Variants in ZBTB7C observed in about 807,000 individuals in gnomAD.
ZBTB7C encodes zinc finger and BTB domain containing 7C.
In ZBTB7C, 8 loss-of-function variants were observed where a neutral mutation model predicts 25.7. The ratio of observed to expected loss-of-function variants is 0.31; its 90% CI spans 0.18 to 0.56. The LOEUF (loss-of-function observed/expected upper bound fraction) is 0.56, where lower values mean the gene tolerates loss of function less well. ZBTB7C is among the 20% of genes least tolerant of loss of function. The pLI, the probability that ZBTB7C is intolerant of heterozygous loss-of-function variation, is 0.91. For missense variants in ZBTB7C, 824 were observed against 855.2 expected (o/e 0.96, Z 0.46); for synonymous variants, 394 against 369.0 (o/e 1.07, Z -0.78).
intron 2 of ZBTB7C, among the ~76,000 whole-genome samples, chr18:48,190,041 A>C (rs570773265): frequency 1.4e-4 from 22 of 152,290 alleles, no homozygotes; most frequent in African/African-American, 5.3e-4. Context: ...GCCCTTGACC[A>C]GAGTGCTGTT....
chr18:48,041,146 A>C (rs761171245), intron 3 of ZBTB7C, 23 bp from the exon 4 acceptor site: 2 of 1,556,058 alleles, frequency 1.3e-6, no homozygotes, highest in African/African-American at 1.4e-5. Flanking sequence ...ACAGAGAAGA[A>C]GACTGGGTTA....
intron 2 of ZBTB7C, among the ~76,000 whole-genome samples, chr18:48,333,545 A>G (rs1043706923): frequency 6.6e-6 from 1 of 152,248 alleles, no homozygotes; most frequent in Non-Finnish European, 1.5e-5. Context: ...ACTAAGAAAA[A>G]GCCAGGTCAA....
At chr18:48,145,369 C>T (rs1386137495) in intron 3 of ZBTB7C, among the ~76,000 whole-genome samples, 2 of 152,196 alleles carry the variant, frequency 1.3e-5, no homozygotes, top group South Asian at 2.1e-4. Flanking sequence ...GTCTCCTTTG[C>T]CATCTCTCTG....
At chr18:48,325,538 T>C (rs1389941371) in intron 2 of ZBTB7C, among the ~76,000 whole-genome samples, 3 of 152,256 alleles carry the variant, frequency 2.0e-5, no homozygotes, top group Non-Finnish European at 2.9e-5. Flanking sequence ...AATGTGCACA[T>C]GGGCATCATT....
chr18:48,101,455 AT>A (rs1400145554), intron 3 of ZBTB7C, among the ~76,000 whole-genome samples: 3 of 152,236 alleles, frequency 2.0e-5, no homozygotes, highest in African/African-American at 7.2e-5. Context: ...TTTAAAAATG[AT>A]TAGTGAGACA....
At chr18:48,149,938 G>C (rs911039294) in intron 3 of ZBTB7C, 1 of 151,588 alleles carries the variant, frequency 6.6e-6, no homozygotes, top group African/African-American at 2.4e-5. Flanking sequence ...TGAGTAGCTA[G>C]GATTACAGGC....
chr18:48,041,311 T>C, intron 3 of ZBTB7C, 188 bp from the exon 4 acceptor site: 2 of 985,418 alleles, frequency 2.0e-6, no homozygotes, highest in Non-Finnish European at 2.4e-6. Context: ...CTGGGGCTTT[T>C]CTCTGGACCC....
At chr18:48,347,608 A>G (rs1254005769) in intron 1 of ZBTB7C, among the ~76,000 whole-genome samples, 3 of 152,020 alleles carry the variant, frequency 2.0e-5, no homozygotes, top group Non-Finnish European at 2.9e-5. Context: ...AAGGCTTCAC[A>G]TGCTATGGGG....
At chr18:48,064,150 C>G (rs999511017) in intron 3 of ZBTB7C, among the ~76,000 whole-genome samples, 6 of 152,144 alleles carry the variant, frequency 3.9e-5, no homozygotes, top group African/African-American at 1.4e-4. Context: ...TGGAGGGCAC[C>G]CCACTAAGCT....
At chr18:48,245,214 A>G (rs2043650463) in intron 2 of ZBTB7C, among the ~76,000 whole-genome samples, 1 of 151,680 alleles carries the variant, frequency 6.6e-6, no homozygotes, top group Non-Finnish European at 1.5e-5. Context: ...TAAGTGAAGT[A>G]ACTCAGGAAT....
chr18:48,096,367 C>G (rs1473556002), intron 3 of ZBTB7C, among the ~76,000 whole-genome samples: 1 of 152,174 alleles, frequency 6.6e-6, no homozygotes, highest in East Asian at 1.9e-4. Context: ...TTCTATGATT[C>G]TTAATGCGCT....
rs1051030998 is a variant in ZBTB7C, at chr18:48,308,474, G to A, written c.-79+29700C>T. ...GCCTTGGTTTCTCAGTGGGCATCCC[G>A]AGTCTCCTGCCAGCCTGGGGGCTGC... is the stretch of plus-strand genomic sequence containing the variant. On this transcript the variant is annotated intron_variant, in intron 2 of 4. Coordinates refer to ENST00000590800, the MANE Select transcript of ZBTB7C (RefSeq NM_001318841.2). Among the ~76,000 whole-genome samples the A allele has an allele frequency of 3.9e-5, 6 of 152,274 alleles. 1 individual carries two copies. Among genetic ancestry groups the A allele is most frequent in the African/African-American group, 9.6e-5 (4 of 41,542 alleles).
intron 2 of ZBTB7C, among the ~76,000 whole-genome samples, chr18:48,235,058 AT>A (rs527821229): frequency 1.3e-5 from 2 of 151,620 alleles, no homozygotes; most frequent in African/African-American, 2.4e-5. Context: ...TTCACTTTCA[AT>A]TTTTTTTTGT....
chr18:48,272,707 GTTC>G (rs1270553701), intron 2 of ZBTB7C, among the ~76,000 whole-genome samples: 1 of 152,158 alleles, frequency 6.6e-6, no homozygotes, highest in East Asian at 1.9e-4. Context: ...GCACACTTAT[GTTC>G]ATAGCAGCAT....
Position 48,306,697 on chromosome 18 carries a change from T to C in ZBTB7C, c.-79+31477A>G, listed in dbSNP as rs542350603. On this transcript the variant is annotated intron_variant, in intron 2 of 4. Coordinates refer to ENST00000590800, the MANE Select transcript of ZBTB7C (RefSeq NM_001318841.2). ...TCTCCTCTTCTCCTACAAGTGAATA[T>C]GTAGCTGAGCTCAGGAACTGTCCCC... Among the ~76,000 whole-genome samples the C allele has an allele frequency of 7.1e-4, 108 of 152,306 alleles. 1 individual carries two copies. The highest frequency in any genetic ancestry group is 2.9e-3 in the Admixed American group (44 of 15,302).
At chr18:48,155,159 G>A (rs1383430674) in intron 3 of ZBTB7C, among the ~76,000 whole-genome samples, 1 of 152,146 alleles carries the variant, frequency 6.6e-6, no homozygotes, top group Non-Finnish European at 1.5e-5. Context: ...GGGCCCCAAG[G>A]AAGTGTGCTG....
At chr18:48,107,252 CA>C (rs984488528) in intron 3 of ZBTB7C, among the ~76,000 whole-genome samples, 4 of 149,516 alleles carry the variant, frequency 2.7e-5, no homozygotes, top group African/African-American at 9.9e-5. Context: ...TAGGAAGGTT[CA>C]GGAGGAAGGG....
intron 3 of ZBTB7C, among the ~76,000 whole-genome samples, chr18:48,114,086 A>T (rs1339616613): frequency 1.3e-5 from 2 of 152,116 alleles, no homozygotes; most frequent in Admixed American, 1.3e-4. Flanking sequence ...TTTGGACTCC[A>T]TTTACAGACA....
chr18:48,249,224 T>C (rs1363566545), intron 2 of ZBTB7C, among the ~76,000 whole-genome samples: 1 of 152,232 alleles, frequency 6.6e-6, no homozygotes, highest in Non-Finnish European at 1.5e-5. Flanking sequence ...AAGAGCCATA[T>C]ACATGTCTGT....
Sources: allele counts gnomAD v4.1 joint callset (sites outside exome capture counted in the v4.1 genomes callset), GRCh38; gene constraint gnomAD v4.1.1; transcripts MANE v1.5; gene names NCBI Gene and HGNC (gene_info 2026-07-23, HGNC 2026-07-21).